Variants in KLHL1 observed in about 807,000 individuals in gnomAD.
KLHL1 encodes kelch-like protein 1.
In KLHL1, 47 loss-of-function variants were observed where a neutral mutation model predicts 77.7. The ratio of observed to expected loss-of-function variants is 0.60; its 90% CI spans 0.48 to 0.77. The LOEUF is 0.77. Ranked by LOEUF, KLHL1 falls within the 30% of genes least tolerant of loss-of-function variation. KLHL1 has a pLI of 0.00. For missense variants in KLHL1, 925 were observed against 910.8 expected, an observed-to-expected ratio of 1.02 and a Z score of -0.20; for synonymous variants, 360 against 325.2, an observed-to-expected ratio of 1.11 and a Z score of -1.15.
chr13:70,029,052 G>A (rs1181947105), intron 1 of KLHL1, among the ~76,000 whole-genome samples: 1 of 151,814 alleles, frequency 6.6e-6, no homozygotes, highest in Non-Finnish European at 1.5e-5. Context: ...GGATTGCTAT[G>A]ATCAGTAACC....
chr13:69,971,959 G>A (rs1251585920), intron 2 of KLHL1, among the ~76,000 whole-genome samples: 1 of 151,986 alleles, frequency 6.6e-6, no homozygotes, highest in African/African-American at 2.4e-5. Context: ...TGATATCCAA[G>A]TGATCAAGAA....
intron 6 of KLHL1, among the ~76,000 whole-genome samples, chr13:69,837,506 T>C (rs527777274): frequency 6.6e-6 from 1 of 150,982 alleles, no homozygotes; most frequent in South Asian, 2.1e-4. Flanking sequence ...TACCTAGCTA[T>C]ATAATGTCCG....
chr13:69,882,012 C>T (rs143508966), intron 5 of KLHL1, among the ~76,000 whole-genome samples: 8 of 149,988 alleles, frequency 5.3e-5, no homozygotes, highest in African/African-American at 2.0e-4. Context: ...AGTATGATCA[C>T]ATTTTATAAA....
At chr13:69,746,968 A>G (rs1874242433) in intron 7 of KLHL1, among the ~76,000 whole-genome samples, 1 of 152,108 alleles carries the variant, frequency 6.6e-6, no homozygotes, top group African/African-American at 2.4e-5. Context: ...CAGAGACTGT[A>G]GCCAGCCCTA....
At chr13:69,920,493 G>C (rs1882597091) in intron 4 of KLHL1, among the ~76,000 whole-genome samples, 1 of 151,806 alleles carries the variant, frequency 6.6e-6, no homozygotes, top group African/African-American at 2.4e-5. Flanking sequence ...ATCAGAAAAG[G>C]GGACAAAAAT....
chr13:69,778,792 CTTTTTTT>C lies in KLHL1; in HGVS notation c.1639+17939_1639+17945del, dbSNP rs1172258314. On this transcript the variant is annotated intron_variant, in intron 7 of 10. Coordinates refer to ENST00000377844, the MANE Select transcript of KLHL1 (RefSeq NM_020866.3). ...AATATTGAAGGCAGGTATTCCCTCT[CTTTTTTT>C]TTTTTTTTTTTTTTTTTGAGATGGA... is the stretch of plus-strand genomic sequence containing the variant. Among the ~76,000 whole-genome samples the C allele has an allele frequency of 1.4e-3, 138 of 99,182 alleles. 1 individual carries two copies. Among genetic ancestry groups the C allele is most frequent in the East Asian group, 0.01 (33 of 3,266 alleles). The allele number at this position is 99,182 out of a possible 152,430, so 65.1% of individuals were successfully genotyped here.
chr13:69,863,110 A>G (rs1880235690), intron 5 of KLHL1, among the ~76,000 whole-genome samples: 1 of 152,152 alleles, frequency 6.6e-6, no homozygotes, highest in Non-Finnish European at 1.5e-5. Flanking sequence ...AAATGTCTTC[A>G]AGACCTTCTA....
chr13:70,023,383 C>T (rs1397375626), intron 1 of KLHL1, among the ~76,000 whole-genome samples: 1 of 151,816 alleles, frequency 6.6e-6, no homozygotes, highest in African/African-American at 2.4e-5. Context: ...TAACACTTCA[C>T]CTAAAAATAT....
intron 6 of KLHL1, among the ~76,000 whole-genome samples, chr13:69,808,488 T>A (rs1487926802): frequency 2.0e-5 from 3 of 151,748 alleles, no homozygotes; most frequent in African/African-American, 7.3e-5. Flanking sequence ...CACCCAGAAA[T>A]GAAGTCAATA....
intron 1 of KLHL1, among the ~76,000 whole-genome samples, chr13:70,069,629 T>G (rs2137415956): frequency 6.6e-6 from 1 of 152,126 alleles, no homozygotes; most frequent in South Asian, 2.1e-4. Context: ...TGAAGGGAAC[T>G]CTAAGAAAGA....
At chr13:69,891,444 A>C (rs2138209707) in intron 4 of KLHL1, among the ~76,000 whole-genome samples, 1 of 152,208 alleles carries the variant, frequency 6.6e-6, no homozygotes, top group South Asian at 2.1e-4. Context: ...AAGTCCCTTA[A>C]GTATATGTGA....
chr13:69,919,715 C>T (rs1593949865), intron 4 of KLHL1, among the ~76,000 whole-genome samples: 1 of 152,088 alleles, frequency 6.6e-6, no homozygotes, highest in Non-Finnish European at 1.5e-5. Flanking sequence ...TCAGGTCCCA[C>T]CTACCAAAAC....
At chr13:69,759,602 T>C (rs1309592133) in intron 7 of KLHL1, among the ~76,000 whole-genome samples, 1 of 152,220 alleles carries the variant, frequency 6.6e-6, no homozygotes, top group Non-Finnish European at 1.5e-5. Flanking sequence ...ATTAAGATTT[T>C]TTATTTGCCA....
chr13:69,969,226 T>C (rs1393366319), intron 2 of KLHL1, among the ~76,000 whole-genome samples: 1 of 152,100 alleles, frequency 6.6e-6, no homozygotes, highest in African/African-American at 2.4e-5. Context: ...CCTTATAAGA[T>C]TCATGGCTTT....
At chr13:69,730,920 C>T (rs1484492744) in intron 8 of KLHL1, among the ~76,000 whole-genome samples, 1 of 151,938 alleles carries the variant, frequency 6.6e-6, no homozygotes, top group Non-Finnish European at 1.5e-5. Context: ...TTTTACTATC[C>T]ATGAATAGAT....
chr13:70,015,048 AT>A (rs1166951490), intron 1 of KLHL1, among the ~76,000 whole-genome samples: 1 of 152,170 alleles, frequency 6.6e-6, no homozygotes, highest in Non-Finnish European at 1.5e-5. Context: ...ATGAAAAGTG[AT>A]TTACAAACAT....
chr13:69,936,879 C>A (rs1681410644), intron 4 of KLHL1, among the ~76,000 whole-genome samples: 1 of 152,078 alleles, frequency 6.6e-6, no homozygotes, highest in Non-Finnish European at 1.5e-5. Context: ...TGTCAGCCTG[C>A]AACAGTGGGG....
chr13:69,799,048 C>T (rs891682525), intron 6 of KLHL1, among the ~76,000 whole-genome samples: 4 of 151,798 alleles, frequency 2.6e-5, no homozygotes, highest in Non-Finnish European at 4.4e-5. Context: ...GAGATCGTGC[C>T]ACTGCACTCC....
intron 7 of KLHL1, among the ~76,000 whole-genome samples, chr13:69,771,884 CCACT>C (rs1456710512): frequency 3.9e-5 from 6 of 152,008 alleles, no homozygotes; most frequent in African/African-American, 1.5e-4. Flanking sequence ...ATAGCAAATA[CCACT>C]CACTTTTTTC....
Sources: gnomAD v4.1 joint callset for allele counts (sites outside exome capture counted in the v4.1 genomes callset) on GRCh38, gnomAD v4.1.1 for gene constraint, MANE v1.5 for transcripts, NCBI Gene and HGNC (gene_info 2026-07-23, HGNC 2026-07-21) for gene names.